CDH12: variants seen among roughly 807,000 people sequenced by gnomAD.
CDH12 encodes cadherin 12.
CDH12 carries 41 observed loss-of-function variants against 74.1 expected under a neutral mutation model. The observed-to-expected ratio is 0.55, with a 90% confidence interval of 0.43 to 0.72. The LOEUF (loss-of-function observed/expected upper bound fraction) is 0.72, where lower values mean the gene tolerates loss of function less well. Among genes scored for constraint, CDH12 ranks in the 30% least tolerant of loss-of-function variants. CDH12 has a pLI of 0.00. For synonymous variants in CDH12, 399 were observed against 355.0 expected (o/e 1.12, Z -1.39); for missense variants, 945 against 977.2 (o/e 0.97, Z 0.44).
At chr5:21,900,411 T>C (rs1296744297) in intron 6 of CDH12, among the ~76,000 whole-genome samples, 1 of 152,184 alleles carries the variant, frequency 6.6e-6, no homozygotes, top group Non-Finnish European at 1.5e-5. Context: ...TGTAGTATAT[T>C]TAATAGCTAT....
At chr5:22,594,652 C>T (rs981197367) in intron 1 of CDH12, among the ~76,000 whole-genome samples, 5 of 152,048 alleles carry the variant, frequency 3.3e-5, no homozygotes, top group African/African-American at 2.4e-5. Context: ...GCTGAACTAG[C>T]GCAAGAAGTA....
At position 22,558,600 on chromosome 5, in the gene CDH12, A is replaced by T. The variant is rs545714556; in HGVS notation, c.-522-53236T>A. ...GCAACATAAAGCCAAGAGAGACTTG[A>T]AGAACATTTGCCATATGAAAAAATA... On this transcript the variant is annotated intron_variant, in intron 1 of 14. Transcript: ENST00000382254. Among the ~76,000 whole-genome samples, 4 of 152,174 alleles carry T rather than the reference A, an allele frequency of 2.6e-5. No individual in the cohort carries two copies. The South Asian group carries it at 8.3e-4, about 32-fold the overall frequency.
intron 1 of CDH12, among the ~76,000 whole-genome samples, chr5:22,581,646 G>T (rs751244590): frequency 4.6e-5 from 7 of 152,114 alleles, no homozygotes; most frequent in African/African-American, 1.7e-4. Flanking sequence ...GTGAGAAGAG[G>T]GCCACCATCC....
chr5:22,316,338 C>T (rs563825315), intron 3 of CDH12, among the ~76,000 whole-genome samples: 88 of 152,026 alleles, frequency 5.8e-4, no homozygotes, highest in African/African-American at 2.0e-3. Context: ...CACCAACACA[C>T]ATGCACACAT....
chr5:22,262,737 G>T (rs562065254), intron 3 of CDH12, among the ~76,000 whole-genome samples: 60 of 151,998 alleles, frequency 3.9e-4, no homozygotes, highest in African/African-American at 1.3e-3. Flanking sequence ...CACCAACAGT[G>T]TAAAAGTGTT....
chr5:22,188,578 C>T (rs1469746601), intron 4 of CDH12, among the ~76,000 whole-genome samples: 1 of 152,124 alleles, frequency 6.6e-6, no homozygotes, highest in Non-Finnish European at 1.5e-5. Flanking sequence ...ATGATTGCTG[C>T]AGCTAAATCT....
Position 22,227,882 on chromosome 5 carries a change from T to G in CDH12, c.-332-15239A>C, listed in dbSNP as rs553058567. On this transcript the variant is annotated intron_variant, in intron 3 of 14. Transcript: ENST00000382254. ...TGGCACACTTGGAAATGTTTTCGTA[T>G]GTAATGTGAATGCTTTCGGATTGTC... 5.0e-4 allele frequency among the ~76,000 whole-genome samples: 76 copies of G among 152,202 alleles called. 1 individual carries two copies. The South Asian group carries it at 0.014, about 28-fold the overall frequency.
chr5:22,364,936 A>G (rs942825242), intron 3 of CDH12, among the ~76,000 whole-genome samples: 5 of 152,196 alleles, frequency 3.3e-5, no homozygotes, highest in African/African-American at 1.2e-4. Flanking sequence ...AGACTCATCA[A>G]AGAAAGACAG....
At chr5:22,090,383 G>T (rs191231928) in intron 4 of CDH12, among the ~76,000 whole-genome samples, 90 of 150,704 alleles carry the variant, frequency 6.0e-4, no homozygotes, top group Admixed American at 1.7e-3. Flanking sequence ...GATCAAATTA[G>T]CAATTTCAAA....
chr5:21,795,124 T>C (rs1181250599), intron 10 of CDH12, among the ~76,000 whole-genome samples: 2 of 151,710 alleles, frequency 1.3e-5, no homozygotes, highest in African/African-American at 4.8e-5. Context: ...ATGTATATAT[T>C]CTCAAAATCA....
chr5:22,697,840 T>C (rs981027507), intron 1 of CDH12, among the ~76,000 whole-genome samples: 18 of 151,940 alleles, frequency 1.2e-4, no homozygotes, highest in Admixed American at 2.6e-4. Context: ...AAGAAAGAGA[T>C]ACCTGAGAGC....
intron 5 of CDH12, among the ~76,000 whole-genome samples, chr5:21,979,088 T>C: frequency 6.6e-6 from 1 of 151,834 alleles, no homozygotes; most frequent in East Asian, 1.9e-4. Flanking sequence ...TTACACAGCC[T>C]TTTTAATCTA....
intron 7 of CDH12, among the ~76,000 whole-genome samples, chr5:21,842,609 GC>G (rs1749935245): frequency 6.6e-6 from 1 of 152,012 alleles, no homozygotes; most frequent in African/African-American, 2.4e-5. Flanking sequence ...TCATAAGTAA[GC>G]CAAGTTAGAC....
chr5:22,028,220 T>G (rs1289149313), intron 5 of CDH12, among the ~76,000 whole-genome samples: 1 of 152,102 alleles, frequency 6.6e-6, no homozygotes, highest in Admixed American at 6.6e-5. Context: ...ATGCCCTCTC[T>G]CACCACTCCT....
intron 1 of CDH12, among the ~76,000 whole-genome samples, chr5:22,672,573 C>T (rs1740962009): frequency 6.6e-6 from 1 of 152,144 alleles, no homozygotes; most frequent in South Asian, 2.1e-4. Flanking sequence ...TGGGATGATT[C>T]TCCCTGGATG....
chr5:22,402,337 G>A (rs1742762430), intron 3 of CDH12, among the ~76,000 whole-genome samples: 1 of 152,166 alleles, frequency 6.6e-6, no homozygotes, highest in African/African-American at 2.4e-5. Context: ...ATAGATGTCA[G>A]TAGAAAGACA....
Position 22,724,887 on chromosome 5 carries a change from A to G in CDH12, c.-523+128171T>C, listed in dbSNP as rs191861979. The stretch of plus-strand genomic sequence containing the variant: ...ATAACTTTTAATTTAAAAAATTTCT[A>G]TATAAATTAAAAAAATAGTTTCCAA... On this transcript the variant is annotated intron_variant, in intron 1 of 14. Coordinates refer to ENST00000382254, the MANE Select transcript of CDH12 (RefSeq NM_004061.5). Among the ~76,000 whole-genome samples, 143 of 151,918 alleles carry G rather than the reference A, an allele frequency of 9.4e-4. 2 individuals are homozygous for G. Among genetic ancestry groups the G allele is most frequent in the African/African-American group, 3.3e-3 (138 of 41,548 alleles).
intron 2 of CDH12, among the ~76,000 whole-genome samples, chr5:22,453,711 A>G (rs1475796061): frequency 1.3e-5 from 2 of 152,168 alleles, no homozygotes; most frequent in East Asian, 3.9e-4. Flanking sequence ...CATATTTCAA[A>G]ATAGCAAGAA....
chr5:22,126,455 A>C (rs1268921393), intron 4 of CDH12, among the ~76,000 whole-genome samples: 1 of 152,186 alleles, frequency 6.6e-6, no homozygotes, highest in South Asian at 2.1e-4. Context: ...AACTGTATAC[A>C]AGTCATGAAA....
Sources: allele counts gnomAD v4.1 joint callset (sites outside exome capture counted in the v4.1 genomes callset), GRCh38; gene constraint gnomAD v4.1.1; transcripts MANE v1.5; gene names NCBI Gene and HGNC (gene_info 2026-07-23, HGNC 2026-07-21).